STXBP5: variants seen among roughly 807,000 people sequenced by gnomAD.
STXBP5 encodes the protein syntaxin binding protein 5.
In STXBP5, 50 loss-of-function variants were observed where a neutral mutation model predicts 152.4. That is an observed-to-expected ratio of 0.33 (90% CI 0.26 to 0.42). The LOEUF is 0.42. Ranked by LOEUF, STXBP5 falls within the 10% of genes least tolerant of loss-of-function variation. The pLI, the probability that STXBP5 is intolerant of heterozygous loss-of-function variation, is 1.00. For missense variants in STXBP5, 1,167 were observed against 1,388.6 expected, an observed-to-expected ratio of 0.84 and a Z score of 2.54; for synonymous variants, 492 against 494.7, an observed-to-expected ratio of 0.99 and a Z score of 0.07.
chr6:147,204,465 G>C lies in STXBP5; in HGVS notation c.-68G>C. On this transcript the variant is annotated 5_prime_UTR_variant, in exon 1 of 28. Transcript: ENST00000321680. The surrounding 1 kb of genome is among the most constrained non-coding windows in gnomAD (Gnocchi z 4.3). Reference sequence around the variant, plus strand: ...CGGTCGAAGCTGCCTTCGGCCCCGGGTGGTCTCCCCCGCCCGGGGACCCCC... The same window carrying C: ...CGGTCGAAGCTGCCTTCGGCCCCGGCTGGTCTCCCCCGCCCGGGGACCCCC... The C allele has an allele frequency of 3.9e-6, 6 of 1,544,170 alleles. No individual in the cohort carries two copies. The highest frequency in any genetic ancestry group is 5.3e-6 in the Non-Finnish European group (6 of 1,139,382).
intron 19 of STXBP5, among the ~76,000 whole-genome samples, chr6:147,336,301 TTGTG>T (rs765451342): frequency 3.3e-5 from 5 of 152,172 alleles, no homozygotes; most frequent in Non-Finnish European, 7.4e-5. Flanking sequence ...TTTTTATAGC[TTGTG>T]TGTGTCTTTC....
chr6:147,301,359 G>T (rs1457702808), intron 9 of STXBP5, among the ~76,000 whole-genome samples: 1 of 152,086 alleles, frequency 6.6e-6, no homozygotes, highest in Admixed American at 6.5e-5. Flanking sequence ...TGTTCCCTTT[G>T]TGATTATGGC....
chr6:147,248,788 A>G (rs1766316656), intron 4 of STXBP5, among the ~76,000 whole-genome samples: 1 of 152,210 alleles, frequency 6.6e-6, no homozygotes, highest in Non-Finnish European at 1.5e-5. Flanking sequence ...GATGTATTTC[A>G]GTTCCCAAAT....
intron 16 of STXBP5, among the ~76,000 whole-genome samples, chr6:147,317,737 G>A (rs531593425): frequency 6.6e-6 from 1 of 152,126 alleles, no homozygotes; most frequent in Non-Finnish European, 1.5e-5. Flanking sequence ...ACTTATAACT[G>A]TAGTTCTAGC....
chr6:147,241,780 G>T (rs769777419), intron 4 of STXBP5, among the ~76,000 whole-genome samples: 1 of 151,920 alleles, frequency 6.6e-6, no homozygotes, highest in African/African-American at 2.4e-5. Flanking sequence ...TAGCATCTTA[G>T]TGCAATACAT....
Position 147,339,364 on chromosome 6 carries a change from A to G in STXBP5, c.2234A>G (p.Lys745Arg), listed in dbSNP as rs1200715879. The stretch of plus-strand genomic sequence containing the variant: ...AAGACCAAAAGCAGAAAGTTTTCCA[A>G]GATGGTAGCCAATGATATAGGTAGG... ...KVKTKSRKFS[K>R]MVANDIAKMS... The change falls in exon 21 of 28, where the codon AAG (lysine) becomes AGG (arginine). Residue 745 changes from lysine (K) to arginine (R), a missense_variant. Lys to Arg is a conservative substitution (Grantham distance 26). Transcript: ENST00000321680. 2 of 1,499,140 alleles carry G rather than the reference A, an allele frequency of 1.3e-6. No homozygotes were observed. The highest frequency in any genetic ancestry group is 5.0e-5 in the East Asian group (2 of 39,628). The allele number at this position is 1,499,140 out of a possible 1,614,324, so 92.9% of individuals were successfully genotyped here.
chr6:147,288,628 G>A (rs1781116911), intron 8 of STXBP5, among the ~76,000 whole-genome samples: 1 of 152,044 alleles, frequency 6.6e-6, no homozygotes, highest in Non-Finnish European at 1.5e-5. Flanking sequence ...GTTACTGGTG[G>A]CATATATCTG....
intron 10 of STXBP5, among the ~76,000 whole-genome samples, chr6:147,310,862 A>G (rs889105301): frequency 7.2e-5 from 11 of 152,104 alleles, no homozygotes; most frequent in Admixed American, 5.9e-4. Flanking sequence ...ATCTGAATAT[A>G]TGTATATATA....
intron 4 of STXBP5, among the ~76,000 whole-genome samples, chr6:147,239,926 A>G (rs1298480153): frequency 5.3e-5 from 8 of 150,164 alleles, no homozygotes; most frequent in Admixed American, 1.3e-4. Flanking sequence ...ATCATCCCCT[A>G]TATGTTTTTG....
intron 18 of STXBP5, among the ~76,000 whole-genome samples, chr6:147,330,757 T>C (rs1451196352): frequency 6.6e-6 from 1 of 152,170 alleles, no homozygotes; most frequent in Non-Finnish European, 1.5e-5. Flanking sequence ...TACGGTACTT[T>C]TGTGAACCAG....
intron 9 of STXBP5, among the ~76,000 whole-genome samples, chr6:147,294,330 G>T (rs1175319527): frequency 6.6e-6 from 1 of 151,754 alleles, no homozygotes; most frequent in Admixed American, 6.6e-5. Flanking sequence ...AGCCTTCTCT[G>T]CTTGTTGCTT....
intron 16 of STXBP5, among the ~76,000 whole-genome samples, chr6:147,318,891 A>T (rs1782774105): frequency 6.6e-6 from 1 of 151,968 alleles, no homozygotes; most frequent in African/African-American, 2.4e-5. Context: ...GGTATTTTTT[A>T]TAGGCAATTT....
chr6:147,241,264 C>T (rs1778526284), intron 4 of STXBP5, among the ~76,000 whole-genome samples: 1 of 152,136 alleles, frequency 6.6e-6, no homozygotes, highest in South Asian at 2.1e-4. Flanking sequence ...AAGTTTGTTA[C>T]AGTTAATGAA....
intron 26 of STXBP5, among the ~76,000 whole-genome samples, chr6:147,379,363 G>C (rs1435492855): frequency 6.6e-6 from 1 of 152,106 alleles, no homozygotes. Flanking sequence ...AACATGTTCA[G>C]AATCTCCATG....
chr6:147,209,175 G>A (rs924294842), intron 2 of STXBP5, among the ~76,000 whole-genome samples: 3 of 152,054 alleles, frequency 2.0e-5, no homozygotes, highest in Admixed American at 6.6e-5. Context: ...TTCAAGGACT[G>A]AGCAGAAAAA....
chr6:147,307,721 T>A (rs1782163964), intron 9 of STXBP5, among the ~76,000 whole-genome samples: 1 of 152,142 alleles, frequency 6.6e-6, no homozygotes, highest in African/African-American at 2.4e-5. Context: ...ATTTGGCAAA[T>A]GTTTATTATT....
At chr6:147,219,143 G>A (rs1286830611) in intron 2 of STXBP5, among the ~76,000 whole-genome samples, 1 of 152,128 alleles carries the variant, frequency 6.6e-6, no homozygotes, top group African/African-American at 2.4e-5. Context: ...TACCGACAGT[G>A]TTTATCTGGA....
chr6:147,289,165 T>A (rs963253893), intron 8 of STXBP5, among the ~76,000 whole-genome samples: 2 of 152,360 alleles, frequency 1.3e-5, no homozygotes, highest in South Asian at 4.1e-4. Context: ...CGGCTGCCAA[T>A]ATCACTTTTA....
intron 2 of STXBP5, among the ~76,000 whole-genome samples, chr6:147,213,483 C>CGCGCGCGT (rs1562412511): frequency 7.9e-6 from 1 of 126,880 alleles, no homozygotes; most frequent in African/African-American, 3.5e-5. Context: ...TGTGTGCGCG[C>CGCGCGCGT]GCATATATAT....
Sources: gnomAD v4.1 joint callset for allele counts (sites outside exome capture counted in the v4.1 genomes callset) on GRCh38, gnomAD v4.1.1 for gene constraint, Gnocchi (gnomAD v3.1) non-coding constraint, MANE v1.5 for transcripts, NCBI Gene and HGNC (gene_info 2026-07-23, HGNC 2026-07-21) for gene names.